The following CACNA1C variants were observed in gnomAD, a reference collection of about 807,000 sequenced individuals.
The protein encoded by CACNA1C is voltage-dependent L-type calcium channel subunit alpha-1C.
In CACNA1C, 30 loss-of-function variants were observed where a neutral mutation model predicts 229.0. The ratio of observed to expected loss-of-function variants is 0.13; its 90% CI spans 0.10 to 0.18. CACNA1C has a LOEUF of 0.18. Ranked by LOEUF, CACNA1C falls within the 10% of genes least tolerant of loss-of-function variation. The probability of loss-of-function intolerance (pLI) is 1.00; values close to 1 mark genes in which losing one functional copy is unlikely to be tolerated. For synonymous variants in CACNA1C, 1,114 were observed against 1,132.5 expected, an observed-to-expected ratio of 0.98 and a Z score of 0.33; for missense variants, 1,658 against 2,845.0, an observed-to-expected ratio of 0.58 and a Z score of 9.49.
At chr12:2,612,956 T>C (rs1250685998) in intron 29 of CACNA1C, 1 of 152,152 alleles carries the variant, frequency 6.6e-6, no homozygotes, top group Non-Finnish European at 1.5e-5. Context: ...CTTGAGACAA[T>C]CTCTCCAGCT....
chr12:2,450,209 A>G (rs2099347796), intron 4 of CACNA1C, among the ~76,000 whole-genome samples: 1 of 152,146 alleles, frequency 6.6e-6, no homozygotes, highest in South Asian at 2.1e-4. Context: ...GAATCTCCAT[A>G]AAATATTTGT....
intron 3 of CACNA1C, among the ~76,000 whole-genome samples, chr12:2,351,715 G>A (rs1201725685): frequency 6.6e-6 from 1 of 152,216 alleles, no homozygotes; most frequent in Non-Finnish European, 1.5e-5. Flanking sequence ...AGGGAAAACA[G>A]CATTGCACGC....
At chr12:2,299,904 T>G (rs752553209) in intron 3 of CACNA1C, among the ~76,000 whole-genome samples, 1 of 152,066 alleles carries the variant, frequency 6.6e-6, no homozygotes, top group Non-Finnish European at 1.5e-5. Context: ...TTCCTAAGAG[T>G]GTTTCGAGGA....
chr12:2,460,791 G>A (rs1255371766), intron 5 of CACNA1C, among the ~76,000 whole-genome samples: 3 of 152,238 alleles, frequency 2.0e-5, no homozygotes, highest in Non-Finnish European at 4.4e-5. Context: ...CTTATGCATA[G>A]GAGCAGCAAC....
chr12:2,398,051 T>C (rs1174266470), intron 3 of CACNA1C, among the ~76,000 whole-genome samples: 3 of 152,198 alleles, frequency 2.0e-5, no homozygotes, highest in Non-Finnish European at 4.4e-5. Flanking sequence ...TGAAATAAAC[T>C]CAGGCCAAGC....
intron 6 of CACNA1C, among the ~76,000 whole-genome samples, chr12:2,490,152 G>A (rs2099713365): frequency 6.6e-6 from 1 of 152,224 alleles, no homozygotes; most frequent in African/African-American, 2.4e-5. Flanking sequence ...ATAGCAGAGT[G>A]GCACTAAACC....
chr12:2,234,851 C>T lies in CACNA1C; in HGVS notation c.477+114421C>T, dbSNP rs867717699. Among the ~76,000 whole-genome samples, 3 of 152,072 alleles carry T rather than the reference C, an allele frequency of 2.0e-5. No individual in the cohort carries two copies. The South Asian group carries it at 6.2e-4, about 31-fold the overall frequency. ...GTGGAGGAGAGGGAGGGGAAGATCC[C>T]TCCCAGGAGCTTTGGTTCAGACAAA... On this transcript the variant is annotated intron_variant, in intron 3 of 46. Coordinates refer to ENST00000399655, the MANE Select transcript of CACNA1C (RefSeq NM_000719.7).
In CACNA1C at chr12:2,653,143, A is replaced by G. The variant is rs1206575399; in HGVS notation, c.4075-692A>G. On this transcript the variant is annotated intron_variant, in intron 32 of 46. Transcript: ENST00000399655. This position sits in a 1 kb window ranked among gnomAD's most constrained non-coding sequence, Gnocchi z 4.7. ...GTCTGAGTTGCCAGGCAGATAATGC[A>G]TGGAGCGAATAGAGCGTATGGAACC... Among the ~76,000 whole-genome samples, 1 of 152,262 alleles carries G rather than the reference A, an allele frequency of 6.6e-6. No individual in the cohort carries two copies. The highest frequency in any genetic ancestry group is 2.4e-5 in the African/African-American group (1 of 41,474).
chr12:2,338,792 A>T (rs2096777781), intron 3 of CACNA1C, among the ~76,000 whole-genome samples: 1 of 152,208 alleles, frequency 6.6e-6, no homozygotes, highest in South Asian at 2.1e-4. Flanking sequence ...TTGAGGGCTT[A>T]TCCTAGGCCC....
chr12:2,183,896 G>GT (rs2096919788), intron 3 of CACNA1C, among the ~76,000 whole-genome samples: 1 of 152,248 alleles, frequency 6.6e-6, no homozygotes, highest in African/African-American at 2.4e-5. Context: ...CGTGGAAAAT[G>GT]TTCCAGCCTG....
At chr12:2,338,209 C>T (rs2096758088) in intron 3 of CACNA1C, among the ~76,000 whole-genome samples, 1 of 152,142 alleles carries the variant, frequency 6.6e-6, no homozygotes, top group African/African-American at 2.4e-5. Flanking sequence ...ACTATTGACC[C>T]CTCCTTGATG....
chr12:1,995,052 G>A (rs1463210043), intron 1 of CACNA1C, among the ~76,000 whole-genome samples: 2 of 152,040 alleles, frequency 1.3e-5, no homozygotes, highest in Admixed American at 6.6e-5. Context: ...TTGGAGAAAA[G>A]ACTAAAAAAC....
intron 3 of CACNA1C, among the ~76,000 whole-genome samples, chr12:2,191,563 CACTCACATGT>C (rs1195544156): frequency 1.3e-5 from 2 of 152,136 alleles, no homozygotes; most frequent in Admixed American, 6.5e-5. Flanking sequence ...CACTCACATG[CACTCACATGT>C]ACTCAAGCAT....
At chr12:2,351,967 A>C (rs2097214204) in intron 3 of CACNA1C, among the ~76,000 whole-genome samples, 1 of 152,236 alleles carries the variant, frequency 6.6e-6, no homozygotes, top group African/African-American at 2.4e-5. Context: ...CTGTCTGCCC[A>C]GTGCAGAAGA....
At chr12:2,451,713 G>A (rs1479283442) in intron 4 of CACNA1C, among the ~76,000 whole-genome samples, 1 of 152,176 alleles carries the variant, frequency 6.6e-6, no homozygotes, top group Non-Finnish European at 1.5e-5. Context: ...AACCACAAGG[G>A]GCCAGGCTTT....
chr12:2,266,012 G>A (rs1220463363), intron 3 of CACNA1C, among the ~76,000 whole-genome samples: 2 of 152,230 alleles, frequency 1.3e-5, no homozygotes, highest in African/African-American at 2.4e-5. Flanking sequence ...AATCTGATGA[G>A]ATAAATGCCT....
At chr12:2,058,286 G>A (rs1236280013) in intron 1 of CACNA1C, among the ~76,000 whole-genome samples, 1 of 152,152 alleles carries the variant, frequency 6.6e-6, no homozygotes, top group Non-Finnish European at 1.5e-5. Flanking sequence ...CAGGTCAGCC[G>A]GCGTCATCTC....
At chr12:2,390,848 T>A (rs2154548661) in intron 3 of CACNA1C, among the ~76,000 whole-genome samples, 1 of 152,292 alleles carries the variant, frequency 6.6e-6, no homozygotes, top group Non-Finnish European at 1.5e-5. Context: ...TCTTTTTGCG[T>A]GAGTGCAAGG....
intron 3 of CACNA1C, among the ~76,000 whole-genome samples, chr12:2,386,600 G>A (rs1046549933): frequency 1.3e-5 from 2 of 152,176 alleles, no homozygotes; most frequent in Admixed American, 1.3e-4. Context: ...TTTGTCCTGT[G>A]TGAGCTCTTC....
Sources: allele counts gnomAD v4.1 joint callset (sites outside exome capture counted in the v4.1 genomes callset), GRCh38; gene constraint gnomAD v4.1.1; non-coding constraint Gnocchi (gnomAD v3.1); transcripts MANE v1.5; gene names NCBI Gene and HGNC (gene_info 2026-07-23, HGNC 2026-07-21).